Variants in LRRC36 observed in about 807,000 individuals in gnomAD.
LRRC36 encodes the protein leucine rich repeat containing 36, also known as leucine-rich repeat-containing protein 36.
Under a neutral mutation model 81.1 loss-of-function variants are expected in LRRC36, and 62 were observed. That is an observed-to-expected ratio of 0.76 (90% confidence interval 0.62 to 0.94). LRRC36 has a LOEUF of 0.94. LRRC36 is among the 40% of genes least tolerant of loss of function. The probability of loss-of-function intolerance (pLI) is 0.00; values close to 1 mark genes in which losing one functional copy is unlikely to be tolerated. For synonymous variants in LRRC36, 334 were observed against 348.6 expected (o/e 0.96, Z 0.47); for missense variants, 761 against 881.7 (o/e 0.86, Z 1.73).
chr16:67,351,912 A>G (rs544194802), intron 5 of LRRC36, among the ~76,000 whole-genome samples: 66 of 152,298 alleles, frequency 4.3e-4, no homozygotes, highest in African/African-American at 1.4e-3. Flanking sequence ...GTCCTAGTTA[A>G]TGCTTTGGTA....
chr16:67,337,370 C>CTTT (rs200896654), intron 1 of LRRC36, among the ~76,000 whole-genome samples: 1 of 139,454 alleles, frequency 7.2e-6, no homozygotes, highest in Non-Finnish European at 1.6e-5. Context: ...TCTTTTCTTT[C>CTTT]TTTTTTTTTT....
chr16:67,334,043 T>A (rs1302465065), intron 1 of LRRC36, among the ~76,000 whole-genome samples: 1 of 152,038 alleles, frequency 6.6e-6, no homozygotes, highest in Non-Finnish European at 1.5e-5. Context: ...ATTTATTTAT[T>A]TTTTTGAGAT....
At chr16:67,345,663 C>G (rs2038310099) in intron 2 of LRRC36, among the ~76,000 whole-genome samples, 1 of 152,106 alleles carries the variant, frequency 6.6e-6, no homozygotes, top group South Asian at 2.1e-4. Flanking sequence ...TAGACTGGTC[C>G]AGGAGTGAGG....
intron 11 of LRRC36, among the ~76,000 whole-genome samples, chr16:67,377,076 C>T (rs986957499): frequency 6.6e-6 from 1 of 152,160 alleles, no homozygotes; most frequent in African/African-American, 2.4e-5. Context: ...TCCAAAAATT[C>T]TAAAGAAAGA....
chr16:67,348,025 A>G (rs1205742905), intron 4 of LRRC36, among the ~76,000 whole-genome samples: 1 of 152,244 alleles, frequency 6.6e-6, no homozygotes, highest in Non-Finnish European at 1.5e-5. Context: ...CTTCGAAACA[A>G]AAAGTGAACA....
chr16:67,367,652 T>G (rs2039462128), intron 8 of LRRC36, among the ~76,000 whole-genome samples, 195 bp downstream of exon 8: 1 of 152,138 alleles, frequency 6.6e-6, no homozygotes, highest in Admixed American at 6.5e-5. Context: ...TTAGGGAAAA[T>G]TTGTAGGAAA....
intron 2 of LRRC36, among the ~76,000 whole-genome samples, chr16:67,345,769 TAC>T (rs556425215): frequency 2.7e-5 from 4 of 150,572 alleles, no homozygotes; most frequent in Non-Finnish European, 5.9e-5. Context: ...CACACACACA[TAC>T]ACACACACAC....
chr16:67,366,985 A>C, intron 7 of LRRC36, 32 bp from the exon 8 acceptor site: 1 of 1,536,922 alleles, frequency 6.5e-7, no homozygotes, highest in Non-Finnish European at 8.8e-7. Flanking sequence ...AATTCTTATC[A>C]TGTTTTGTTT....
intron 5 of LRRC36, among the ~76,000 whole-genome samples, chr16:67,352,642 C>CTTATTTATTTAT (rs140957876): frequency 7.0e-6 from 1 of 142,778 alleles, no homozygotes; most frequent in East Asian, 2.0e-4. Context: ...AAATAAATGT[C>CTTATTTATTTAT]TTATTTATTT....
chr16:67,378,790 C>A, intron 12 of LRRC36, 78 bp downstream of exon 12: 1 of 1,514,036 alleles, frequency 6.6e-7, no homozygotes, highest in South Asian at 1.2e-5. Flanking sequence ...TAGTAACCTT[C>A]ATCATGCTAG....
rs1297334728 is a variant in LRRC36, at chr16:67,376,736, G to A, written c.1670G>A (p.Arg557Gln). 3.1e-6 allele frequency: 5 copies of A among 1,611,228 alleles called. No individual in the cohort carries two copies. The highest frequency in any genetic ancestry group is 4.5e-5 in the East Asian group (2 of 44,802). Residue 557 changes from arginine to glutamine, a missense_variant, in exon 11 of 14, where the codon CGA (arginine) becomes CAA (glutamine). Transcript: ENST00000329956. ...CCTGAATTTTTGGCAGGTCCTGCCC[G>A]AGATTTGCTTCTGTCTTTGGTAGTC... ...LLNKKFLGPA[R>Q]DLLLSLVVPA...
Position 67,384,993 on chromosome 16 carries a change from G to A in LRRC36, c.2169G>A (p.Gly723=), listed in dbSNP as rs768852472. ...GHHLGRSSPF[G]KSTLSSSSPV... is the part of the protein sequence containing the mutation. ...ATCTGGGGAGATCATCGCCCTTTGGGAAAAGCACGTTGTCTTCCTCCTCAC... is the reference window on the plus strand; with the variant it reads ...ATCTGGGGAGATCATCGCCCTTTGGAAAAAGCACGTTGTCTTCCTCCTCAC... Residue 723 remains glycine, a synonymous_variant, in exon 14 of 14, where the codon GGG becomes GGA. Transcript: ENST00000329956. The A allele has an allele frequency of 6.8e-6, 11 of 1,614,070 alleles. No homozygotes were observed. The highest frequency in any genetic ancestry group is 9.3e-6 in the Non-Finnish European group (11 of 1,180,048).
intron 6 of LRRC36, 96 bp from the exon 7 acceptor site, chr16:67,365,208 C>T (rs2039327630): frequency 1.4e-6 from 1 of 703,174 alleles, no homozygotes; most frequent in Non-Finnish European, 2.5e-6. Context: ...ATAGTCTTTC[C>T]CATTAATAGG....
Position 67,342,008 on chromosome 16 carries a change from C to T in LRRC36, c.122C>T (p.Ser41Phe). The change falls in exon 2 of 14, where the codon TCC (serine) becomes TTC (phenylalanine). Residue 41 changes from serine to phenylalanine, a missense_variant. Physicochemically the swap from Ser to Phe is radical, Grantham distance 155 (BLOSUM62 -2). Coordinates refer to ENST00000329956, the MANE Select transcript of LRRC36 (RefSeq NM_018296.6). Reference protein sequence around the residue: ...LQGSYAGKIHSIGDAFRNFKN... With the variant: ...LQGSYAGKIHFIGDAFRNFKN... Reference sequence around the variant, plus strand: ...GGATCTTATGCTGGCAAAATCCATTCCATTGGTGATGCCTTCAGAAATTTT... The same window carrying T: ...GGATCTTATGCTGGCAAAATCCATTTCATTGGTGATGCCTTCAGAAATTTT... The T allele has an allele frequency of 6.2e-7, 1 of 1,609,830 alleles. No individual in the cohort carries two copies. The highest frequency in any genetic ancestry group is 8.5e-7 in the Non-Finnish European group (1 of 1,176,890).
chr16:67,337,313 A>G (rs1433983718), intron 1 of LRRC36, among the ~76,000 whole-genome samples: 1 of 149,450 alleles, frequency 6.7e-6, no homozygotes, highest in Non-Finnish European at 1.5e-5. Context: ...TTTGGTCTTC[A>G]TTTCAAAAAT....
Position 67,375,233 on chromosome 16 carries a change from T to A in LRRC36, c.1495-14T>A. On this transcript the variant is annotated splice_polypyrimidine_tract_variant and intron_variant, in intron 9 of 13. Coordinates refer to ENST00000329956, the MANE Select transcript of LRRC36 (RefSeq NM_018296.6). ...TTTTTGTTTGTTTGTTTTTGCTTTT[T>A]TTTTTCTCTTGAGCCTCTCTCTAGT... 6.2e-7 allele frequency: 1 copy of A among 1,608,628 alleles called. No homozygotes were observed. Among genetic ancestry groups the A allele is most frequent in the Non-Finnish European group, 8.5e-7 (1 of 1,179,218 alleles).
rs775152217 is a variant in LRRC36, at chr16:67,378,692, G to C, written c.1910G>C (p.Gly637Ala). The change falls in exon 12 of 14, where the codon GGG becomes GCG. Residue 637 changes from glycine (G) to alanine (A), a missense_variant. By Grantham distance (60) the Gly-to-Ala change is moderately conservative. Coordinates refer to ENST00000329956, the MANE Select transcript of LRRC36 (RefSeq NM_018296.6). Reference sequence around the variant, plus strand: ...GGTGCTGCCATCTCAATTGTGAGTGGGCAACAGTCACATACTTATGGTAAG... The same window carrying C: ...GGTGCTGCCATCTCAATTGTGAGTGCGCAACAGTCACATACTTATGGTAAG... ...EEGAAISIVS[G>A]QQSHTYDDLL... is the part of the protein sequence containing the mutation. 2 of 1,613,914 alleles carry C rather than the reference G, an allele frequency of 1.2e-6. No individual in the cohort carries two copies. Among genetic ancestry groups the C allele is most frequent in the Non-Finnish European group, 1.7e-6 (2 of 1,179,896 alleles).
intron 7 of LRRC36, among the ~76,000 whole-genome samples, chr16:67,366,354 C>A (rs1314160592): frequency 6.6e-6 from 1 of 152,066 alleles, no homozygotes; most frequent in Non-Finnish European, 1.5e-5. Context: ...GTGGCTCATG[C>A]CTGTAATCCC....
intron 5 of LRRC36, among the ~76,000 whole-genome samples, chr16:67,353,668 G>A (rs1309885491): frequency 1.3e-5 from 2 of 152,118 alleles, no homozygotes; most frequent in Middle Eastern, 3.4e-3. Flanking sequence ...ATTATAGCAC[G>A]TCCAGCCCCT....
Sources: gnomAD v4.1 joint callset for allele counts (sites outside exome capture counted in the v4.1 genomes callset) on GRCh38, gnomAD v4.1.1 for gene constraint, MANE v1.5 for transcripts, NCBI Gene and HGNC (gene_info 2026-07-23, HGNC 2026-07-21) for gene names.